The following NSF variants were observed in gnomAD, a reference collection of about 807,000 sequenced individuals.
The protein encoded by NSF is vesicle-fusing ATPase.
A neutral mutation model predicts 50.3 loss-of-function variants in NSF; 14 were observed. That is an observed-to-expected ratio of 0.28 (90% CI 0.18 to 0.44). The LOEUF is 0.44. NSF is among the 20% of genes least tolerant of loss of function. NSF has a pLI of 1.00. For synonymous variants in NSF, 109 were observed against 175.7 expected (o/e 0.62, Z 3.00); for missense variants, 218 against 504.3 (o/e 0.43, Z 5.44).
At chr17:46,729,459 G>A (rs2058926828) in intron 17 of NSF, among the ~76,000 whole-genome samples, 4 of 152,112 alleles carry the variant, frequency 2.6e-5, no homozygotes, top group Admixed American at 2.6e-4. Flanking sequence ...CTTGATTCCT[G>A]TGTTTGCATT....
chr17:46,729,361 C>T (rs1255253783), intron 17 of NSF, among the ~76,000 whole-genome samples: 1 of 152,070 alleles, frequency 6.6e-6, no homozygotes, highest in Non-Finnish European at 1.5e-5. Context: ...TTTCTTTGGG[C>T]AGTTAAAAAA....
intron 1 of NSF, among the ~76,000 whole-genome samples, chr17:46,605,423 G>C (rs1433700638): frequency 6.8e-6 from 1 of 146,632 alleles, no homozygotes; most frequent in African/African-American, 2.5e-5. Context: ...ATGCCAGCCT[G>C]GGCAACAAGA....
chr17:46,708,596 A>C (rs2058681482), intron 13 of NSF, among the ~76,000 whole-genome samples: 1 of 142,658 alleles, frequency 7.0e-6, no homozygotes, highest in Non-Finnish European at 1.5e-5. Flanking sequence ...GGTTTAAGTG[A>C]TTCTCCTGCC....
chr17:46,685,405 A>G (rs1010611153), intron 9 of NSF, among the ~76,000 whole-genome samples: 1 of 151,720 alleles, frequency 6.6e-6, no homozygotes, highest in Non-Finnish European at 1.5e-5. Context: ...CATGCAGGAT[A>G]TATATGTGTG....
At chr17:46,711,157 GA>G (rs760245579) in intron 14 of NSF, 38 bp downstream of exon 14, 22 of 1,452,232 alleles carry the variant, frequency 1.5e-5, no homozygotes, top group Non-Finnish European at 2.0e-5. Context: ...AAAGTTAAAG[GA>G]AAAAAAGCAG....
chr17:46,749,017 C>A (rs1240939157), intron 17 of NSF, among the ~76,000 whole-genome samples: 6 of 151,934 alleles, frequency 3.9e-5, no homozygotes, highest in Admixed American at 3.3e-4. Flanking sequence ...GGGGGTAGTG[C>A]AAAATTAATA....
At chr17:46,679,276 G>T (rs2058430613) in intron 9 of NSF, among the ~76,000 whole-genome samples, 1 of 145,226 alleles carries the variant, frequency 6.9e-6, no homozygotes, top group African/African-American at 2.6e-5. Context: ...AGTTCATTGA[G>T]GCATATATTC....
intron 15 of NSF, among the ~76,000 whole-genome samples, chr17:46,722,526 T>G (rs1487914181): frequency 2.0e-5 from 3 of 152,166 alleles, no homozygotes; most frequent in African/African-American, 7.2e-5. Flanking sequence ...GCTTCCCGGC[T>G]TAGTATGTAA....
chr17:46,694,123 A>T (rs1381757165), intron 11 of NSF, among the ~76,000 whole-genome samples: 1 of 132,310 alleles, frequency 7.6e-6, no homozygotes, highest in Non-Finnish European at 1.5e-5. Context: ...AGTGGCTCAC[A>T]CCTGTAATCC....
At chr17:46,739,844 G>A (rs756566916) in intron 17 of NSF, among the ~76,000 whole-genome samples, 3 of 151,614 alleles carry the variant, frequency 2.0e-5, no homozygotes, top group South Asian at 2.1e-4. Flanking sequence ...GACTACAGGC[G>A]CACACCACCA....
chr17:46,740,714 T>G (rs2059062336), intron 17 of NSF, among the ~76,000 whole-genome samples: 1 of 150,654 alleles, frequency 6.6e-6, no homozygotes, highest in South Asian at 2.1e-4. Context: ...TGGGCTGGAG[T>G]ACAATGGCAC....
At chr17:46,731,293 A>G (rs937162624) in intron 17 of NSF, among the ~76,000 whole-genome samples, 5 of 152,152 alleles carry the variant, frequency 3.3e-5, no homozygotes, top group Admixed American at 6.6e-5. Flanking sequence ...GCAGATCTAT[A>G]AAGACAGAAA....
intron 1 of NSF, among the ~76,000 whole-genome samples, chr17:46,619,786 A>AC (rs898825985): frequency 2.3e-5 from 2 of 88,244 alleles, no homozygotes; most frequent in African/African-American, 4.7e-5. Flanking sequence ...AAAAAAAAAA[A>AC]AAAAAAAAAA....
intron 13 of NSF, among the ~76,000 whole-genome samples, chr17:46,709,619 C>T (rs2058697853): frequency 6.6e-6 from 1 of 151,940 alleles, no homozygotes; most frequent in Non-Finnish European, 1.5e-5. Context: ...CTCAGCCTCC[C>T]AAGTAGCTGG....
intron 15 of NSF, among the ~76,000 whole-genome samples, chr17:46,726,310 T>C (rs1213840906): frequency 6.6e-6 from 1 of 152,202 alleles, no homozygotes; most frequent in African/African-American, 2.4e-5. Flanking sequence ...AGTTGATTAA[T>C]GATCAGCTAG....
intron 12 of NSF, among the ~76,000 whole-genome samples, chr17:46,695,486 A>G (rs1394854877): frequency 1.0e-5 from 1 of 97,596 alleles, no homozygotes; most frequent in Non-Finnish European, 1.9e-5. Flanking sequence ...GTACTAGGAT[A>G]CTTTTATTTT....
At chr17:46,718,671 C>T (rs1030779103) in intron 15 of NSF, among the ~76,000 whole-genome samples, 7 of 152,168 alleles carry the variant, frequency 4.6e-5, no homozygotes, top group African/African-American at 1.7e-4. Context: ...CCACACTGAC[C>T]GGCCGAATGA....
In NSF at chr17:46,755,806, C is replaced by T. The variant is rs761093212; in HGVS notation, c.2218C>T (p.Pro740Ser). ...GTTTTGGTATTTCTTTTGCAGTAGC[C>T]CCCTTGATTTTGATTGAAAATGAAC... ...LALLREEGAS[P>S]LDFD The change falls in exon 21 of 21, where the codon CCC (proline) becomes TCC (serine). Residue 740 changes from proline (P) to serine (S), a missense_variant. By Grantham distance (74) the Pro-to-Ser change is moderately conservative. This residue lies in a region of NSF where 209 missense variants were observed against 320.9 expected (regional missense o/e 0.65). Coordinates refer to ENST00000398238, the MANE Select transcript of NSF (RefSeq NM_006178.4). 2.5e-6 allele frequency: 4 copies of T among 1,610,864 alleles called. No homozygotes were observed. Among genetic ancestry groups the T allele is most frequent in the South Asian group, 1.1e-5 (1 of 90,814 alleles).
chr17:46,755,376 A>T lies in NSF; in HGVS notation c.2213+7A>T. 6.2e-7 allele frequency: 1 copy of T among 1,610,350 alleles called. No individual in the cohort carries two copies. The highest frequency in any genetic ancestry group is 2.2e-5 in the East Asian group (1 of 44,880). ...TCTTAAGAGAAGAAGGAGCGTAAGT[A>T]CATACAACATTTAATGACCATCAAC... On this transcript the variant is annotated splice_region_variant and intron_variant, in intron 20 of 20. Coordinates refer to ENST00000398238, the MANE Select transcript of NSF (RefSeq NM_006178.4).
Sources: allele counts gnomAD v4.1 joint callset (sites outside exome capture counted in the v4.1 genomes callset), GRCh38; gene constraint gnomAD v4.1.1; regional missense constraint gnomAD v4.1.1; transcripts MANE v1.5; gene names NCBI Gene and HGNC (gene_info 2026-07-23, HGNC 2026-07-21).